The following ATG7 variants were observed in gnomAD, a reference collection of about 807,000 sequenced individuals.
ATG7 encodes autophagy related 7, also known as ubiquitin-like modifier-activating enzyme ATG7.
A neutral mutation model predicts 82.4 loss-of-function variants in ATG7; 70 were observed. That is an observed-to-expected ratio of 0.85 (90% CI 0.70 to 1.04). The LOEUF is 1.04. ATG7 is among the 50% of genes least tolerant of loss of function. The probability of loss-of-function intolerance (pLI) is 0.00; values close to 1 mark genes in which losing one functional copy is unlikely to be tolerated. For synonymous variants in ATG7, 287 were observed against 313.0 expected, an observed-to-expected ratio of 0.92 and a Z score of 0.88; for missense variants, 792 against 864.3, an observed-to-expected ratio of 0.92 and a Z score of 1.05.
chr3:11,319,386 T>C (rs917129173), intron 9 of ATG7, among the ~76,000 whole-genome samples: 7 of 151,744 alleles, frequency 4.6e-5, no homozygotes, highest in African/African-American at 1.5e-4. Context: ...TTCTGCCCCC[T>C]CCTCCTCCTA....
At chr3:11,389,587 A>G (rs182137109) in intron 19 of ATG7, among the ~76,000 whole-genome samples, 55 of 152,256 alleles carry the variant, frequency 3.6e-4, no homozygotes, top group African/African-American at 1.0e-3. Flanking sequence ...TGTGGGCCTT[A>G]AGCTACTGCA....
chr3:11,428,571 A>C (rs1286211746), intron 20 of ATG7, among the ~76,000 whole-genome samples: 1 of 152,232 alleles, frequency 6.6e-6, no homozygotes, highest in Non-Finnish European at 1.5e-5. Context: ...TCAGGAGATG[A>C]ATGGCATCTC....
At chr3:11,504,639 T>C (rs907205250) in intron 20 of ATG7, among the ~76,000 whole-genome samples, 10 of 152,234 alleles carry the variant, frequency 6.6e-5, no homozygotes, top group African/African-American at 2.4e-4. Context: ...TGTCTGAACA[T>C]ATATTTAGGA....
At chr3:11,571,200 G>A in the ATG7 span, among the ~76,000 whole-genome samples, 7 of 152,128 alleles carry the variant, frequency 4.6e-5, no homozygotes, top group Admixed American at 1.3e-4. Flanking sequence ...GTCCATCCTC[G>A]CTGGCAGGGA....
chr3:11,496,301 A>G (rs1181159646), intron 20 of ATG7, among the ~76,000 whole-genome samples: 3 of 152,198 alleles, frequency 2.0e-5, no homozygotes, highest in Admixed American at 6.5e-5. Context: ...TAATCCCTGA[A>G]TGGGTTCGCT....
chr3:11,361,708 G>A (rs1454201815), intron 16 of ATG7, among the ~76,000 whole-genome samples: 2 of 152,158 alleles, frequency 1.3e-5, no homozygotes, highest in Non-Finnish European at 2.9e-5. Context: ...TGCTAATAGA[G>A]GAGGGAAGAA....
At chr3:11,559,336 C>T (rs997478631), downstream of ATG7, 33 of 1,540,896 alleles carry the variant, frequency 2.1e-5, no homozygotes, top group Middle Eastern at 9.1e-4. Context: ...ACTCACCGCT[C>T]GGTGGCCTCC....
At chr3:11,548,913 G>A (rs146097710) in intron 20 of ATG7, among the ~76,000 whole-genome samples, 19 of 152,368 alleles carry the variant, frequency 1.2e-4, no homozygotes, top group East Asian at 7.7e-4. Flanking sequence ...AAGTTAAGCC[G>A]TAGGAATCGT....
chr3:11,550,132 T>G (rs1049042605), intron 20 of ATG7, among the ~76,000 whole-genome samples: 2 of 152,194 alleles, frequency 1.3e-5, no homozygotes, highest in African/African-American at 2.4e-5. Flanking sequence ...AATATAGAGA[T>G]ATTTTCTCCT....
intron 20 of ATG7, among the ~76,000 whole-genome samples, chr3:11,436,441 A>G (rs1475009935): frequency 1.3e-5 from 2 of 152,148 alleles, no homozygotes; most frequent in Non-Finnish European, 2.9e-5. Flanking sequence ...TAGAATTACC[A>G]TGTGACCCAG....
Position 11,307,000 on chromosome 3 carries a change from C to T in ATG7, c.273C>T (p.Asn91=), listed in dbSNP as rs761648401. 7 of 1,613,990 alleles carry T rather than the reference C, an allele frequency of 4.3e-6. No individual in the cohort carries two copies. The African/African-American group carries it at 9.3e-5, about 22-fold the overall frequency. Residue 91 remains asparagine (N), a synonymous_variant, in exon 6 of 21, where the codon AAC becomes AAT. Transcript: ENST00000693202. The part of the protein sequence containing the change: ...CPAIGTLYNT[N]TLESFKTADK... ...CTATTGGAACACTGTATAACACCAA[C>T]ACACTCGAGTCTTTCAAGACTGCAG...
At chr3:11,470,003 A>AAAAT (rs1485578453) in intron 20 of ATG7, among the ~76,000 whole-genome samples, 1 of 149,772 alleles carries the variant, frequency 6.7e-6, no homozygotes, top group Non-Finnish European at 1.5e-5. Flanking sequence ...AAAAAAAAAA[A>AAAAT]AAAAAAGAGA....
At chr3:11,477,684 A>G (rs761259224) in intron 20 of ATG7, among the ~76,000 whole-genome samples, 30 of 152,238 alleles carry the variant, frequency 2.0e-4, no homozygotes, top group East Asian at 1.4e-3. Context: ...ACAAGGGGGA[A>G]TTTTTTTGCT....
At chr3:11,538,233 C>T (rs561808808) in intron 20 of ATG7, among the ~76,000 whole-genome samples, 1 of 152,286 alleles carries the variant, frequency 6.6e-6, no homozygotes, top group South Asian at 2.1e-4. Flanking sequence ...GGTGGCACTG[C>T]CCTCTCAACG....
In ATG7 at chr3:11,298,558, T is replaced by C. The variant is rs1273806390; in HGVS notation, c.-10-128T>C. 1.0e-5 allele frequency: 9 copies of C among 859,590 alleles called. No individual in the cohort carries two copies. In the Admixed American group the frequency reaches 2.2e-4, roughly 21 times the overall value. The allele number at this position is 859,590 out of a possible 1,614,324, so 53.2% of individuals were successfully genotyped here. The stretch of plus-strand genomic sequence containing the variant: ...ACCACAATCCAAAAAGAAGTTGTGT[T>C]TCAAGGTAGCCTGTAAACATCTCAT... On this transcript the variant is annotated intron_variant, in intron 3 of 20. Coordinates refer to ENST00000693202, the MANE Select transcript of ATG7 (RefSeq NM_001349232.2).
At chr3:11,499,463 C>T (rs73139548) in intron 20 of ATG7, among the ~76,000 whole-genome samples, 1,886 of 152,098 alleles carry the variant, frequency 0.012, 38 homozygotes, top group African/African-American at 0.043. Flanking sequence ...ATCTAAAATA[C>T]GGCCAGGCGC....
chr3:11,511,977 C>G (rs1222561905), intron 20 of ATG7, among the ~76,000 whole-genome samples: 4 of 152,184 alleles, frequency 2.6e-5, no homozygotes, highest in African/African-American at 9.6e-5. Context: ...TCGTGCCTCT[C>G]CCTCCACACC....
chr3:11,561,257 A>C (rs2072972649), downstream of ATG7, among the ~76,000 whole-genome samples: 2 of 152,172 alleles, frequency 1.3e-5, no homozygotes, highest in Admixed American at 6.5e-5. Flanking sequence ...GGGGGAATCA[A>C]GGAAGATGAA....
chr3:11,418,213 T>G (rs2081575943), intron 19 of ATG7, among the ~76,000 whole-genome samples: 1 of 151,056 alleles, frequency 6.6e-6, no homozygotes, highest in East Asian at 1.9e-4. Context: ...TAAGCCATCC[T>G]CCCACCATAG....
Sources: gnomAD v4.1 joint callset for allele counts (sites outside exome capture counted in the v4.1 genomes callset) on GRCh38, gnomAD v4.1.1 for gene constraint, MANE v1.5 for transcripts, NCBI Gene and HGNC (gene_info 2026-07-23, HGNC 2026-07-21) for gene names.